Variants in TPTE observed in about 807,000 individuals in gnomAD.
TPTE encodes transmembrane phosphatase with tensin homology.
In TPTE, 59 loss-of-function variants were observed where a neutral mutation model predicts 84.1. The ratio of observed to expected loss-of-function variants is 0.70; its 90% CI spans 0.57 to 0.87. The LOEUF (loss-of-function observed/expected upper bound fraction) is 0.87, where lower values mean the gene tolerates loss of function less well. Among genes scored for constraint, TPTE ranks in the 40% least tolerant of loss-of-function variants. The probability of loss-of-function intolerance (pLI) is 0.00; values close to 1 mark genes in which losing one functional copy is unlikely to be tolerated. For synonymous variants in TPTE, 130 were observed against 223.5 expected (o/e 0.58, Z 3.73); for missense variants, 382 against 659.6 (o/e 0.58, Z 4.61).
intron 3 of TPTE, among the ~76,000 whole-genome samples, chr21:10,531,275 C>A (rs551738697): frequency 2.6e-4 from 40 of 152,410 alleles, no homozygotes; most frequent in Non-Finnish European, 5.3e-4. Context: ...TAGATTAATT[C>A]CCTCCCTTGG....
At chr21:10,542,075 C>T (rs2074379521) in intron 5 of TPTE, among the ~76,000 whole-genome samples, 2 of 152,422 alleles carry the variant, frequency 1.3e-5, no homozygotes, top group South Asian at 4.1e-4. Flanking sequence ...AATAAGAGGG[C>T]TGACTACCTA....
intron 7 of TPTE, among the ~76,000 whole-genome samples, chr21:10,549,896 C>A (rs1293759294): frequency 6.6e-6 from 1 of 152,294 alleles, no homozygotes; most frequent in African/African-American, 2.4e-5. Context: ...AATCAAAAGA[C>A]AAAGATTTTT....
In TPTE at chr21:10,605,620, T is replaced by C. The variant is rs1979216326; in HGVS notation, c.*68T>C. 6.2e-7 allele frequency: 1 copy of C among 1,607,872 alleles called. No homozygotes were observed. The highest frequency in any genetic ancestry group is 1.7e-5 in the Admixed American group (1 of 58,650). Reference sequence around the variant, plus strand: ...TCCAACCCTGCCACATGTTCATATATCCTAAATCTATCCTAAATGTTCCTT... The same window carrying C: ...TCCAACCCTGCCACATGTTCATATACCCTAAATCTATCCTAAATGTTCCTT... On this transcript the variant is annotated 3_prime_UTR_variant, in exon 24 of 24. Coordinates refer to ENST00000618007, the MANE Select transcript of TPTE (RefSeq NM_199261.4).
intron 9 of TPTE, among the ~76,000 whole-genome samples, chr21:10,559,974 G>T (rs1170149230): frequency 6.6e-6 from 1 of 151,962 alleles, no homozygotes; most frequent in Non-Finnish European, 1.5e-5. Context: ...GAGAAATACT[G>T]AAATAAAATA....
chr21:10,560,960 T>C (rs574834697), intron 9 of TPTE, 70 bp from the exon 10 acceptor site: 1 of 1,543,578 alleles, frequency 6.5e-7, no homozygotes, highest in East Asian at 2.4e-5. Flanking sequence ...TTAAATATAG[T>C]ATAGCTACAG....
chr21:10,591,194 G>A (rs1483159981), intron 18 of TPTE, among the ~76,000 whole-genome samples: 4 of 152,308 alleles, frequency 2.6e-5, no homozygotes, highest in Non-Finnish European at 5.9e-5. Flanking sequence ...TTTCTGATAA[G>A]ACAAGGTGGG....
intron 14 of TPTE, among the ~76,000 whole-genome samples, chr21:10,575,078 G>A (rs1436300345): frequency 6.6e-6 from 1 of 152,312 alleles, no homozygotes; most frequent in Admixed American, 6.5e-5. Context: ...AACAGCAGCA[G>A]GTTGGAATCC....
At chr21:10,525,684 G>A (rs1180646098) in intron 2 of TPTE, among the ~76,000 whole-genome samples, 1 of 152,306 alleles carries the variant, frequency 6.6e-6, no homozygotes, top group Non-Finnish European at 1.5e-5. Flanking sequence ...AATTCTGCAT[G>A]ACCACTTCAG....
At chr21:10,550,553 T>A (rs2074553819) in intron 7 of TPTE, among the ~76,000 whole-genome samples, 2 of 152,310 alleles carry the variant, frequency 1.3e-5, no homozygotes, top group Admixed American at 1.3e-4. Flanking sequence ...TGTGTATAAT[T>A]GTAAATATGT....
intron 8 of TPTE, among the ~76,000 whole-genome samples, chr21:10,556,544 T>A (rs930653620): frequency 6.6e-6 from 1 of 152,310 alleles, no homozygotes; most frequent in Non-Finnish European, 1.5e-5. Context: ...TTATAATCCT[T>A]TGGGTATATA....
chr21:10,554,628 A>G (rs1166468480), intron 8 of TPTE, among the ~76,000 whole-genome samples: 9 of 152,424 alleles, frequency 5.9e-5, no homozygotes, highest in African/African-American at 9.6e-5. Flanking sequence ...GCTTTTCACT[A>G]TATAAAAGCA....
chr21:10,566,977 CAAA>C (rs141155041), intron 10 of TPTE, among the ~76,000 whole-genome samples: 180 of 126,072 alleles, frequency 1.4e-3, no homozygotes, highest in African/African-American at 4.2e-3. Flanking sequence ...AACTCCATCT[CAAA>C]AAAAAAAAAA....
At chr21:10,557,490 G>C (rs1322591291) in intron 8 of TPTE, among the ~76,000 whole-genome samples, 3 of 152,304 alleles carry the variant, frequency 2.0e-5, no homozygotes, top group East Asian at 1.9e-4. Context: ...AGTGAGTTCA[G>C]ATTTATGACA....
chr21:10,521,734 TGGGGGACGCTCCTTTTTGTTGGGG>T (rs2073978901), intron 1 of TPTE, 40 bp downstream of exon 1: 1 of 81,980 alleles, frequency 1.2e-5, no homozygotes. Context: ...GGGGTAGGGG[TGGGGGACGCTCCTTTTTGTTGGGG>T]GGGGGTCTTG....
At chr21:10,601,896 T>G (rs1305651933) in intron 21 of TPTE, among the ~76,000 whole-genome samples, 162 bp from the exon 22 acceptor site, 46 of 152,368 alleles carry the variant, frequency 3.0e-4, no homozygotes, top group African/African-American at 1.1e-3. Flanking sequence ...AACAACAGTA[T>G]TGCAACTAGA....
intron 17 of TPTE, among the ~76,000 whole-genome samples, chr21:10,581,271 TG>T (rs1202084436): frequency 6.6e-6 from 1 of 152,310 alleles, no homozygotes; most frequent in Non-Finnish European, 1.5e-5. Context: ...AACCATCTTT[TG>T]CTTTAAAAAT....
intron 7 of TPTE, among the ~76,000 whole-genome samples, chr21:10,550,109 A>G (rs2074545143): frequency 6.6e-6 from 1 of 152,304 alleles, no homozygotes; most frequent in African/African-American, 2.4e-5. Context: ...GTCATAGATA[A>G]ACAAAAACCA....
chr21:10,552,332 T>C (rs2074590026), intron 7 of TPTE, among the ~76,000 whole-genome samples: 1 of 152,426 alleles, frequency 6.6e-6, no homozygotes, highest in South Asian at 2.1e-4. Context: ...CTTTGAGATA[T>C]GTCTACACAC....
chr21:10,579,616 C>T (rs2075235131), intron 17 of TPTE, among the ~76,000 whole-genome samples: 1 of 152,284 alleles, frequency 6.6e-6, no homozygotes, highest in South Asian at 2.1e-4. Context: ...TTAGATTCCA[C>T]AAATAAGCAA....
Sources: allele counts gnomAD v4.1 joint callset (sites outside exome capture counted in the v4.1 genomes callset), GRCh38; gene constraint gnomAD v4.1.1; transcripts MANE v1.5; gene names NCBI Gene and HGNC (gene_info 2026-07-23, HGNC 2026-07-21).